Variants in PGM3 observed in about 807,000 individuals in gnomAD.
PGM3 encodes the protein phosphoacetylglucosamine mutase.
In PGM3, 40 loss-of-function variants were observed where a neutral mutation model predicts 66.2. The ratio of observed to expected loss-of-function variants is 0.60; its 90% CI spans 0.47 to 0.79. PGM3 has a LOEUF of 0.79. Among genes scored for constraint, PGM3 ranks in the 30% least tolerant of loss-of-function variants. The pLI, the probability that PGM3 is intolerant of heterozygous loss-of-function variation, is 0.00. For missense variants in PGM3, 537 were observed against 643.4 expected, an observed-to-expected ratio of 0.83 and a Z score of 1.79; for synonymous variants, 191 against 224.2, an observed-to-expected ratio of 0.85 and a Z score of 1.32.
downstream of PGM3, among the ~76,000 whole-genome samples, chr6:83,156,617 A>G (rs971348712): frequency 1.1e-4 from 16 of 152,196 alleles, no homozygotes; most frequent in Non-Finnish European, 2.4e-4. Context: ...ACCACCAAAT[A>G]GCTCCACAAT....
At position 83,167,818 on chromosome 6, in the gene PGM3, A is replaced by T; in HGVS notation, c.*1416T>A. On this transcript the variant is annotated 3_prime_UTR_variant, in exon 13 of 13. Transcript: ENST00000513973. ...ATTTTTAATTTTTCTAACATACCAC[A>T]TTGTCTGTTGTATTAATACCAGTTC... 1 of 1,546,122 alleles carries T rather than the reference A, an allele frequency of 6.5e-7. No homozygotes were observed. Among genetic ancestry groups the T allele is most frequent in the Non-Finnish European group, 8.7e-7 (1 of 1,149,378 alleles).
At chr6:83,174,599 G>A (rs748474834) in intron 9 of PGM3, 112 bp from the exon 10 acceptor site, 10 of 547,524 alleles carry the variant, frequency 1.8e-5, no homozygotes, top group Middle Eastern at 4.6e-4. Flanking sequence ...GAGAAACTGA[G>A]GGGAAAAATA....
At chr6:83,153,906 C>T in the PGM3 span, 1 of 1,611,728 alleles carries the variant, frequency 6.2e-7, no homozygotes, top group Non-Finnish European at 8.5e-7. Context: ...CACATAATGC[C>T]CCTAGTTATC....
At chr6:83,159,895 C>G, downstream of PGM3, 1 of 1,614,100 alleles carries the variant, frequency 6.2e-7, no homozygotes, top group Non-Finnish European at 8.5e-7. Context: ...ACCTCTATCT[C>G]TCTGCTTGCA....
the PGM3 span, chr6:83,148,880 A>C: frequency 7.2e-7 from 1 of 1,395,476 alleles, no homozygotes; most frequent in South Asian, 1.4e-5. Context: ...AATTTCACTT[A>C]ATATTATTTC....
chr6:83,183,012 T>C (rs765701267), intron 4 of PGM3, 34 bp from the exon 5 acceptor site: 2 of 1,596,802 alleles, frequency 1.3e-6, no homozygotes, highest in Non-Finnish European at 8.5e-7. Context: ...ATTCACCGCA[T>C]TTCTTAACAA....
chr6:83,163,768 CAG>C (rs1262635529), downstream of PGM3, among the ~76,000 whole-genome samples: 2 of 151,962 alleles, frequency 1.3e-5, no homozygotes, highest in Non-Finnish European at 2.9e-5. Flanking sequence ...AAACAGTGCT[CAG>C]AGTTAAACTG....
At chr6:83,164,282 G>A (rs1391542707), downstream of PGM3, among the ~76,000 whole-genome samples, 1 of 151,656 alleles carries the variant, frequency 6.6e-6, no homozygotes, top group Admixed American at 6.6e-5. Context: ...AGTTGCTTCT[G>A]TAGGGGCTTA....
chr6:83,191,276 C>T (rs1392231745), intron 1 of PGM3: 6 of 1,529,530 alleles, frequency 3.9e-6, no homozygotes, highest in Non-Finnish European at 5.3e-6. Context: ...CATTTTAGCT[C>T]CAGGACTATC....
At chr6:83,182,169 A>G (rs1323353653) in intron 5 of PGM3, among the ~76,000 whole-genome samples, 1 of 152,220 alleles carries the variant, frequency 6.6e-6, no homozygotes, top group Non-Finnish European at 1.5e-5. Flanking sequence ...CTTATAGCAT[A>G]GAGCTTTATT....
chr6:83,156,802 A>G (rs944366726), downstream of PGM3, among the ~76,000 whole-genome samples: 10 of 152,226 alleles, frequency 6.6e-5, no homozygotes, highest in Middle Eastern at 3.2e-3. Context: ...AATTTCAGAT[A>G]TGCAAAATGT....
chr6:83,157,367 G>A (rs1783015747), downstream of PGM3: 1 of 1,582,618 alleles, frequency 6.3e-7, no homozygotes. Context: ...TGATAAAACA[G>A]TGATTAGTTT....
intron 12 of PGM3, among the ~76,000 whole-genome samples, chr6:83,170,067 C>CT (rs1786774256): frequency 6.6e-6 from 1 of 152,130 alleles, no homozygotes; most frequent in South Asian, 2.1e-4. Flanking sequence ...AAATATGACA[C>CT]TTTCAGGAAG....
chr6:83,191,958 C>CAAAAAAAA (rs1219337174), intron 1 of PGM3, among the ~76,000 whole-genome samples: 19 of 39,364 alleles, frequency 4.8e-4, no homozygotes, highest in African/African-American at 1.7e-3. Flanking sequence ...GACTCGGTCT[C>CAAAAAAAA]AAAAAAAAAA....
chr6:83,167,826 T>C lies in PGM3; in HGVS notation c.*1408A>G, dbSNP rs1786173913. ...TTTTTCTAACATACCACATTGTCTGTTGTATTAATACCAGTTCACTTTTTG... is the reference window on the plus strand; with the variant it reads ...TTTTTCTAACATACCACATTGTCTGCTGTATTAATACCAGTTCACTTTTTG... On this transcript the variant is annotated 3_prime_UTR_variant, in exon 13 of 13. Coordinates refer to ENST00000513973, the MANE Select transcript of PGM3 (RefSeq NM_015599.3). The C allele has an allele frequency of 6.4e-7, 1 of 1,561,192 alleles. No individual in the cohort carries two copies. The highest frequency in any genetic ancestry group is 2.0e-5 in the Admixed American group (1 of 49,866).
At chr6:83,176,632 A>G (rs1787792369) in intron 8 of PGM3, among the ~76,000 whole-genome samples, 1 of 152,226 alleles carries the variant, frequency 6.6e-6, no homozygotes, top group Non-Finnish European at 1.5e-5. Context: ...TGGATCAGCA[A>G]TAGTGAATAG....
chr6:83,155,457 A>C, the PGM3 span, among the ~76,000 whole-genome samples: 1 of 152,104 alleles, frequency 6.6e-6, no homozygotes, highest in Non-Finnish European at 1.5e-5. Context: ...GGAAGATACC[A>C]TCTCAAAGAA....
At chr6:83,154,867 T>G in the PGM3 span, among the ~76,000 whole-genome samples, 3 of 152,216 alleles carry the variant, frequency 2.0e-5, no homozygotes, top group Non-Finnish European at 2.9e-5. Flanking sequence ...TGTAATATTT[T>G]TTAACAAATT....
chr6:83,166,247 G>C lies in PGM3; in HGVS notation c.*2987C>G, dbSNP rs1057267426. On this transcript the variant is annotated 3_prime_UTR_variant, in exon 13 of 13. Transcript: ENST00000513973. ...ACGACCATAAAATGGTCAACATTGA[G>C]TTCTTGGGCAGCTCTCTTATAGTTG... The C allele has an allele frequency of 5.3e-5, 28 of 527,400 alleles. No homozygotes were observed. Among genetic ancestry groups the C allele is most frequent in the Non-Finnish European group, 9.4e-5 (28 of 299,312 alleles). The allele number at this position is 527,400 out of a possible 1,614,324, so 32.7% of individuals were successfully genotyped here. A position where few individuals can be genotyped will look rare whatever the true frequency, so the allele number is the denominator to read the frequency against.
Sources: gnomAD v4.1 joint callset for allele counts (sites outside exome capture counted in the v4.1 genomes callset) on GRCh38, gnomAD v4.1.1 for gene constraint, MANE v1.5 for transcripts, NCBI Gene and HGNC (gene_info 2026-07-23, HGNC 2026-07-21) for gene names.